CIITA: variants seen among roughly 807,000 people sequenced by gnomAD.
CIITA encodes the protein MHC class II transactivator.
Under a neutral mutation model 115.1 loss-of-function variants are expected in CIITA, and 72 were observed. That is an observed-to-expected ratio of 0.63 (90% confidence interval 0.52 to 0.76). CIITA has a LOEUF of 0.76. Ranked by LOEUF, CIITA falls within the 30% of genes least tolerant of loss-of-function variation. The probability of loss-of-function intolerance (pLI) is 0.00; values close to 1 mark genes in which losing one functional copy is unlikely to be tolerated. For missense variants in CIITA, 1,617 were observed against 1,463.8 expected (o/e 1.10, Z -1.71); for synonymous variants, 763 against 635.6 (o/e 1.20, Z -3.02).
Position 10,942,828 on chromosome 16 carries a change from G to C in CIITA, n.1954G>C, listed in dbSNP as rs1468168099. The C allele has an allele frequency of 6.6e-6, 1 of 152,216 alleles. No individual in the cohort carries two copies. Among genetic ancestry groups the C allele is most frequent in the Non-Finnish European group, 1.5e-5 (1 of 68,032 alleles). The allele number at this position is 152,216 out of a possible 1,614,324, so 9.4% of individuals were successfully genotyped here. On this transcript the variant is annotated non_coding_transcript_exon_variant, in exon 2 of 2. Transcript: ENST00000573379. The surrounding 1 kb of genome is among the most constrained non-coding windows in gnomAD (Gnocchi z 5.0). ...TTTAAAAGGAGGCGGGGTCGGGGAGGGGCGACGGACGGTTGCCCTGGAAAT... is the reference window on the plus strand; with the variant it reads ...TTTAAAAGGAGGCGGGGTCGGGGAGCGGCGACGGACGGTTGCCCTGGAAAT...
rs1406771443 is a variant in CIITA at position 10,926,149 on chromosome 16, C to T, written c.*2294C>T. ...GGATCAGTCTGATTCCCAAGCTCTG[C>T]TCCTCTCCCCAGCAAGTGAGAGCTG... On this transcript the variant is annotated 3_prime_UTR_variant, in exon 20 of 20. Coordinates refer to ENST00000324288, the MANE Select transcript of CIITA (RefSeq NM_000246.4). The T allele has an allele frequency of 2.6e-5, 4 of 152,268 alleles. 1 individual carries two copies. Among genetic ancestry groups the T allele is most frequent in the African/African-American group, 9.6e-5 (4 of 41,456 alleles). 9.4% of individuals were successfully genotyped at this position (152,268 alleles called of 1,614,324 possible).
At chr16:10,903,636 G>C in intron 8 of CIITA, 95 bp from the exon 9 acceptor site, 1 of 1,326,742 alleles carries the variant, frequency 7.5e-7, no homozygotes, top group Non-Finnish European at 1.1e-6. Flanking sequence ...CAGACTTCCT[G>C]AGCTCCACAG....
In CIITA at chr16:10,879,701, G is replaced by C. The variant is rs2036224418; in HGVS notation, c.52+2319G>C. ...CTCTCACTTCTCTACCTCGCTTTGG[G>C]GCCCTGAGTCACACCCTCTAAGGAG... On this transcript the variant is annotated intron_variant, in intron 1 of 19. Coordinates refer to ENST00000324288, the MANE Select transcript of CIITA (RefSeq NM_000246.4). The surrounding 1 kb of genome is among the most constrained non-coding windows in gnomAD (Gnocchi z 4.3). 6.6e-6 allele frequency among the ~76,000 whole-genome samples: 1 copy of C among 152,176 alleles called. No homozygotes were observed. The highest frequency in any genetic ancestry group is 1.5e-5 in the Non-Finnish European group (1 of 68,030).
chr16:10,882,223 A>G (rs980549268), intron 1 of CIITA, among the ~76,000 whole-genome samples: 2 of 152,232 alleles, frequency 1.3e-5, no homozygotes, highest in Non-Finnish European at 2.9e-5. Context: ...TTAATTTAAG[A>G]AAAATACTAA....
chr16:10,877,044 T>C (rs2035894429), upstream of CIITA, among the ~76,000 whole-genome samples: 1 of 152,110 alleles, frequency 6.6e-6, no homozygotes, highest in African/African-American at 2.4e-5. Context: ...TTCAGAGGTG[T>C]GGGGAGGGCT....
chr16:10,918,576 A>T, intron 16 of CIITA, 50 bp downstream of exon 16: 13 of 1,529,708 alleles, frequency 8.5e-6, no homozygotes, highest in Non-Finnish European at 1.2e-5. Flanking sequence ...GGGGCTGCAG[A>T]GCGCAGGGAA....
chr16:10,890,654 G>A (rs905988359), intron 1 of CIITA, among the ~76,000 whole-genome samples: 4 of 152,082 alleles, frequency 2.6e-5, no homozygotes, highest in Admixed American at 6.6e-5. Flanking sequence ...CAGAAAGCTC[G>A]GCTTCACAAA....
intron 13 of CIITA, among the ~76,000 whole-genome samples, chr16:10,914,110 C>A (rs964193410): frequency 1.3e-5 from 2 of 152,138 alleles, no homozygotes; most frequent in African/African-American, 4.8e-5. Context: ...AATGTCAGCA[C>A]CCAGAAGGCA....
At position 10,903,755 on chromosome 16, in the gene CIITA, T is replaced by A; in HGVS notation, c.797T>A (p.Val266Glu). The change falls in exon 9 of 20, where the codon GTA becomes GAA. Residue 266 changes from valine to glutamate, a missense_variant. Physicochemically the swap from Val to Glu is moderately radical, Grantham distance 121. Transcript: ENST00000324288. ...GGTGAGGTGCCCCAGGCCAGCCAAGTACCCCCTCCCAGTGGATTCACTGTC... is the reference window on the plus strand; with the variant it reads ...GGTGAGGTGCCCCAGGCCAGCCAAGAACCCCCTCCCAGTGGATTCACTGTC... Reference protein sequence around the residue: ...YHGEVPQASQVPPPSGFTVHG... With the variant: ...YHGEVPQASQEPPPSGFTVHG... The A allele has an allele frequency of 6.2e-7, 1 of 1,614,156 alleles. No homozygotes were observed. Among genetic ancestry groups the A allele is most frequent in the Non-Finnish European group, 8.5e-7 (1 of 1,180,010 alleles).
In CIITA at chr16:10,922,936, G is replaced by A. The variant is rs7206088; in HGVS notation, c.3318-292G>A. ...CACAATCACTCACCTCTTCTAAGAC[G>A]CACAGGGTGGGTCTTACAAGACCCA... On this transcript the variant is annotated intron_variant, in intron 18 of 19. Transcript: ENST00000324288. The A allele has an allele frequency of 1.4e-3, 714 of 524,214 alleles. 5 individuals are homozygous for A. The highest frequency in any genetic ancestry group is 0.012 in the African/African-American group (645 of 52,544). 32.5% of individuals were successfully genotyped at this position (524,214 alleles called of 1,614,324 possible). A position where few individuals can be genotyped will look rare whatever the true frequency, so the allele number is the denominator to read the frequency against.
chr16:10,903,937 T>A, intron 9 of CIITA, 42 bp downstream of exon 9: 1 of 1,613,096 alleles, frequency 6.2e-7, no homozygotes, highest in Non-Finnish European at 8.5e-7. Context: ...AGAAGCAGGA[T>A]CGAGGCCCTG....
In CIITA at chr16:10,942,012, G is replaced by A. The variant is rs768029611; in HGVS notation, n.1138G>A. On this transcript the variant is annotated non_coding_transcript_exon_variant, in exon 2 of 2. Transcript: ENST00000573379. This position sits in a 1 kb window ranked among gnomAD's most constrained non-coding sequence, Gnocchi z 5.0. Reference sequence around the variant, plus strand: ...CGACCCGGGCGCCGAGCATGCAGCGGGTGGCAAGGGCGGCGGCCCGGCGAT... The same window carrying A: ...CGACCCGGGCGCCGAGCATGCAGCGAGTGGCAAGGGCGGCGGCCCGGCGAT... The A allele has an allele frequency of 1.3e-5, 19 of 1,438,944 alleles. No homozygotes were observed. The highest frequency in any genetic ancestry group is 2.5e-4 in the Middle Eastern group (1 of 4,010). 89.1% of individuals were successfully genotyped at this position (1,438,944 alleles called of 1,614,324 possible). A position where few individuals can be genotyped will look rare whatever the true frequency, so the allele number is the denominator to read the frequency against.
chr16:10,895,039 A>C (rs1051378046), intron 1 of CIITA, among the ~76,000 whole-genome samples: 3 of 152,170 alleles, frequency 2.0e-5, no homozygotes, highest in Non-Finnish European at 2.9e-5. Flanking sequence ...GATTGATGGA[A>C]TCCACACTTT....
Position 10,907,561 on chromosome 16 carries a change from T to A in CIITA, c.2069T>A (p.Met690Lys). The A allele has an allele frequency of 6.2e-7, 1 of 1,614,176 alleles. No individual in the cohort carries two copies. The highest frequency in any genetic ancestry group is 8.5e-7 in the Non-Finnish European group (1 of 1,180,016). Residue 690 changes from methionine (M) to lysine (K), a missense_variant, in exon 11 of 20, where the codon ATG becomes AAG. Met to Lys is a moderately conservative substitution (Grantham distance 95, BLOSUM62 -1). Transcript: ENST00000324288. The surrounding 1 kb of genome is among the most constrained non-coding windows in gnomAD (Gnocchi z 5.0). The part of the protein sequence containing the change: ...FPSADVRTWA[M>K]AKGLVQHPPR... ...TCCGCAGACGTGAGGACCTGGGCGA[T>A]GGCCAAAGGCTTAGTCCAACACCCA...
chr16:10,933,527 T>C lies in CIITA; in HGVS notation c.*9672T>C, dbSNP rs1327424412. ...CCTCAGACAAGTCACCCACCCTCTCTGGGCCAGTTTCCTCATCTGGAAAAG... is the reference window on the plus strand; with the variant it reads ...CCTCAGACAAGTCACCCACCCTCTCCGGGCCAGTTTCCTCATCTGGAAAAG... On this transcript the variant is annotated 3_prime_UTR_variant, in exon 20 of 20. Transcript: ENST00000324288. 1.3e-5 allele frequency: 2 copies of C among 152,314 alleles called. No homozygotes were observed. The highest frequency in any genetic ancestry group is 4.8e-5 in the African/African-American group (2 of 41,448). The allele number at this position is 152,314 out of a possible 1,614,324, so 9.4% of individuals were successfully genotyped here.
upstream of CIITA, among the ~76,000 whole-genome samples, chr16:10,875,766 G>A (rs949756241): frequency 6.6e-6 from 1 of 151,862 alleles, no homozygotes; most frequent in Non-Finnish European, 1.5e-5. Context: ...CAACTCCTGG[G>A]CACACTCGAT....
At chr16:10,888,239 A>G (rs1161715929) in intron 1 of CIITA, 1 of 152,138 alleles carries the variant, frequency 6.6e-6, no homozygotes, top group Non-Finnish European at 1.5e-5. Context: ...CCCTAATCCT[A>G]TGAGTTGCCA....
intron 13 of CIITA, among the ~76,000 whole-genome samples, chr16:10,913,029 A>G (rs571948168): frequency 6.6e-6 from 1 of 152,268 alleles, no homozygotes; most frequent in East Asian, 1.9e-4. Flanking sequence ...GTCCCCACTC[A>G]CCTGTTCACC....
At chr16:10,937,505 G>C (rs2041045402), downstream of CIITA, 1 of 152,264 alleles carries the variant, frequency 6.6e-6, no homozygotes, top group Non-Finnish European at 1.5e-5. This position sits in a 1 kb window ranked among gnomAD's most constrained non-coding sequence, Gnocchi z 4.2. Flanking sequence ...GGAAATCCTG[G>C]AATAAGATAG....
Sources: gnomAD v4.1 joint callset for allele counts (sites outside exome capture counted in the v4.1 genomes callset) on GRCh38, gnomAD v4.1.1 for gene constraint, Gnocchi (gnomAD v3.1) non-coding constraint, MANE v1.5 for transcripts, NCBI Gene and HGNC (gene_info 2026-07-23, HGNC 2026-07-21) for gene names.